Variants in ACAT1 observed in about 807,000 individuals in gnomAD.
ACAT1 encodes acetyl-CoA acetyltransferase, mitochondrial.
In ACAT1, 28 loss-of-function variants were observed where a neutral mutation model predicts 47.3. The ratio of observed to expected loss-of-function variants is 0.59; its 90% CI spans 0.44 to 0.81. The LOEUF (loss-of-function observed/expected upper bound fraction) is 0.81. Among genes scored for constraint, ACAT1 ranks in the 30% least tolerant of loss-of-function variants. The pLI, the probability that ACAT1 is intolerant of heterozygous loss-of-function variation, is 0.00. For missense variants in ACAT1, 469 were observed against 524.3 expected (o/e 0.89, Z 1.03); for synonymous variants, 181 against 173.6 (o/e 1.04, Z -0.34).
rs1565288817 is a variant in ACAT1 at position 108,134,321 on chromosome 11, C to T, written c.334+5C>T. ...GGCAGGCAGTATTGGGTGCAGGTAC[C>T]TGGAAGACTTTTTTGCTTTTATACT... On this transcript the variant is annotated splice_donor_5th_base_variant and intron_variant, in intron 4 of 11. Coordinates refer to ENST00000265838, the MANE Select transcript of ACAT1 (RefSeq NM_000019.4). 1.2e-6 allele frequency: 2 copies of T among 1,611,924 alleles called. No homozygotes were observed. Among genetic ancestry groups the T allele is most frequent in the African/African-American group, 2.7e-5 (2 of 74,894 alleles).
At chr11:108,142,586 C>A in intron 9 of ACAT1, 36 bp downstream of exon 9, 1 of 1,548,228 alleles carries the variant, frequency 6.5e-7, no homozygotes, top group Non-Finnish European at 8.9e-7. Context: ...CCTGTAATCC[C>A]AGCACTTTCG....
At chr11:108,145,798 A>C (rs999112754) in intron 10 of ACAT1, among the ~76,000 whole-genome samples, 7 of 152,032 alleles carry the variant, frequency 4.6e-5, no homozygotes, top group African/African-American at 1.7e-4. Flanking sequence ...TAATCCCAGC[A>C]CTTTGGGAGG....
chr11:108,120,758 T>A (rs904402647), upstream of ACAT1, among the ~76,000 whole-genome samples: 2 of 152,128 alleles, frequency 1.3e-5, no homozygotes, highest in Non-Finnish European at 2.9e-5. Context: ...GGAATTTGAT[T>A]GCTTCAAAAT....
At chr11:108,139,197 A>T in intron 6 of ACAT1, 156 bp downstream of exon 6, 1 of 945,016 alleles carries the variant, frequency 1.1e-6, no homozygotes, top group Non-Finnish European at 1.6e-6. Context: ...TGCCTATTGC[A>T]TCGGCATGGC....
At chr11:108,140,945 G>A (rs2077571326) in intron 7 of ACAT1, among the ~76,000 whole-genome samples, 1 of 152,150 alleles carries the variant, frequency 6.6e-6, no homozygotes, top group Non-Finnish European at 1.5e-5. Context: ...AAATTTTGTG[G>A]CTGGGTGCAG....
At chr11:108,146,444 GCTCTT>G (rs1183144445) in intron 11 of ACAT1, 85 bp downstream of exon 11, 2 of 1,508,490 alleles carry the variant, frequency 1.3e-6, no homozygotes, top group Non-Finnish European at 1.8e-6. Context: ...AATTCCCATT[GCTCTT>G]AAGTTTTCCT....
At chr11:108,126,575 T>C (rs891331917) in intron 1 of ACAT1, among the ~76,000 whole-genome samples, 1 of 152,220 alleles carries the variant, frequency 6.6e-6, no homozygotes, top group East Asian at 1.9e-4. Context: ...TAGAGAGGTG[T>C]CAGGGGAGGC....
intron 5 of ACAT1, chr11:108,136,262 G>C (rs574585422): frequency 2.5e-4 from 107 of 421,390 alleles, no homozygotes; most frequent in South Asian, 3.9e-4. Flanking sequence ...ATTGGAAATA[G>C]AGTGGTGAAC....
chr11:108,126,102 A>G (rs541708828), intron 1 of ACAT1, among the ~76,000 whole-genome samples: 3 of 152,224 alleles, frequency 2.0e-5, no homozygotes, highest in African/African-American at 7.2e-5. Context: ...TCCTGGATTC[A>G]AGCGATTCTC....
intron 9 of ACAT1, 138 bp downstream of exon 9, chr11:108,142,688 T>G (rs1478031117): frequency 1.4e-6 from 1 of 701,762 alleles, no homozygotes. Context: ...AGTTAAAAAA[T>G]TAGCTGAGCA....
In ACAT1 at chr11:108,142,634, C is replaced by T. The variant is rs12794010; in HGVS notation, c.940+84C>T. 0.26 allele frequency: 290,405 copies of T among 1,116,868 alleles called. 39,139 individuals are homozygous for T. The highest frequency in any genetic ancestry group is 0.53 in the East Asian group (21,566 of 40,628). 69.2% of individuals were successfully genotyped at this position (1,116,868 alleles called of 1,614,324 possible). ...GGAGGATTGCTTGAGCCCCGGAGTT[C>T]GAAATCAGCCTGGGCAATATAGTGA... On this transcript the variant is annotated intron_variant, in intron 9 of 11. Coordinates refer to ENST00000265838, the MANE Select transcript of ACAT1 (RefSeq NM_000019.4).
chr11:108,135,692 G>A (rs928107522), intron 5 of ACAT1, among the ~76,000 whole-genome samples: 1 of 152,138 alleles, frequency 6.6e-6, no homozygotes, highest in East Asian at 1.9e-4. Flanking sequence ...GCTGGGCGTG[G>A]TGGCAGGTGC....
chr11:108,146,099 T>C (rs1160885570), intron 10 of ACAT1, 103 bp from the exon 11 acceptor site: 7 of 1,074,592 alleles, frequency 6.5e-6, no homozygotes, highest in Non-Finnish European at 9.8e-6. Flanking sequence ...AGAACTTCCA[T>C]ATTTAAATAA....
At chr11:108,138,843 A>G in intron 5 of ACAT1, 55 bp from the exon 6 acceptor site, 2 of 1,609,216 alleles carry the variant, frequency 1.2e-6, no homozygotes, top group South Asian at 2.2e-5. Context: ...AAAGGGTGTC[A>G]TGGGTTTGCA....
In ACAT1 at chr11:108,140,065, G is replaced by A; in HGVS notation, c.580G>A (p.Gly194Ser). ...TTAAAATATTTCAACTTTTTATCAG[G>A]GCAGCTGTGCTGAGAATACAGCAAA... The part of the protein sequence containing the change: ...LTDVYNKIHM[G>S]SCAENTAKKL... Residue 194 changes from glycine to serine, a missense_variant and splice_region_variant, in exon 7 of 12, where the codon GGC (glycine) becomes AGC (serine). Physicochemically the swap from Gly to Ser is moderately conservative, Grantham distance 56. Transcript: ENST00000265838. The A allele has an allele frequency of 6.2e-7, 1 of 1,613,528 alleles. No individual in the cohort carries two copies. The highest frequency in any genetic ancestry group is 8.5e-7 in the Non-Finnish European group (1 of 1,179,682).
At chr11:108,121,249 T>G, upstream of ACAT1, 1 of 390,822 alleles carries the variant, frequency 2.6e-6, no homozygotes, top group Non-Finnish European at 4.8e-6. Context: ...TTGTGCTGGG[T>G]AGGCCTAAGG....
upstream of ACAT1, among the ~76,000 whole-genome samples, chr11:108,117,980 G>T (rs1303691186): frequency 6.6e-6 from 1 of 152,138 alleles, no homozygotes; most frequent in African/African-American, 2.4e-5. Flanking sequence ...GTATTGACTA[G>T]ATCTCCTTGA....
Position 108,140,216 on chromosome 11 carries a change from GTAGAGA to G in ACAT1, c.730+4_730+9del, listed in dbSNP as rs2134761739. On this transcript the variant is annotated splice_donor_variant and splice_donor_5th_base_variant and intron_variant, in intron 7 of 11. Transcript: ENST00000265838. LOFTEE classifies it high-confidence loss of function. ...ATTCCTGTCACAGTTACAGTAAAAG[GTAGAGA>G]TAATGTTCCAAAAAGGATGAATAGA... The G allele has an allele frequency of 1.2e-6, 2 of 1,614,034 alleles. No individual in the cohort carries two copies. The highest frequency in any genetic ancestry group is 2.2e-5 in the East Asian group (1 of 44,846).
intron 1 of ACAT1, among the ~76,000 whole-genome samples, chr11:108,126,271 G>A (rs1364753595): frequency 1.3e-5 from 2 of 152,204 alleles, no homozygotes; most frequent in Admixed American, 6.5e-5. Flanking sequence ...CCAAAGGGCT[G>A]GGATTATAGG....
Sources: gnomAD v4.1 joint callset for allele counts (sites outside exome capture counted in the v4.1 genomes callset) on GRCh38, gnomAD v4.1.1 for gene constraint, MANE v1.5 for transcripts, NCBI Gene and HGNC (gene_info 2026-07-23, HGNC 2026-07-21) for gene names.